CACNA2D3: variants seen among roughly 807,000 people sequenced by gnomAD.
CACNA2D3 encodes calcium voltage-gated channel auxiliary subunit alpha2delta 3, also known as voltage-dependent calcium channel subunit alpha-2/delta-3.
CACNA2D3 carries 60 observed loss-of-function variants against 160.6 expected under a neutral mutation model. The ratio of observed to expected loss-of-function variants is 0.37; its 90% CI spans 0.30 to 0.46. The LOEUF (loss-of-function observed/expected upper bound fraction) is 0.46, where lower values mean the gene tolerates loss of function less well. Among genes scored for constraint, CACNA2D3 ranks in the 20% least tolerant of loss-of-function variants. The pLI, the probability that CACNA2D3 is intolerant of heterozygous loss-of-function variation, is 1.00. For missense variants in CACNA2D3, 1,205 were observed against 1,365.0 expected (o/e 0.88, Z 1.85); for synonymous variants, 558 against 492.9 (o/e 1.13, Z -1.75).
intron 17 of CACNA2D3, among the ~76,000 whole-genome samples, chr3:54,855,048 A>G (rs1157386561): frequency 6.6e-6 from 1 of 152,178 alleles, no homozygotes; most frequent in Non-Finnish European, 1.5e-5. Context: ...TTATTTGACA[A>G]AATGCCAGGT....
chr3:54,969,711 T>A, intron 28 of CACNA2D3, 89 bp from the exon 29 acceptor site: 1 of 1,047,894 alleles, frequency 9.5e-7, no homozygotes, highest in East Asian at 2.5e-5. Context: ...GGATAGCTTG[T>A]CCTTAAGTAG....
chr3:54,852,762 C>G (rs1468638284), intron 17 of CACNA2D3, among the ~76,000 whole-genome samples: 1 of 152,166 alleles, frequency 6.6e-6, no homozygotes, highest in Non-Finnish European at 1.5e-5. Flanking sequence ...TTGTATGGAA[C>G]TAAGTGGACA....
chr3:55,027,604 A>T (rs773411259), intron 35 of CACNA2D3, among the ~76,000 whole-genome samples: 1 of 152,196 alleles, frequency 6.6e-6, no homozygotes, highest in African/African-American at 2.4e-5. Context: ...TAGTTCTCTA[A>T]GACAATTACT....
chr3:54,186,571 C>T (rs1348997367), intron 2 of CACNA2D3, among the ~76,000 whole-genome samples: 1 of 152,048 alleles, frequency 6.6e-6, no homozygotes, highest in African/African-American at 2.4e-5. Flanking sequence ...ACCTTTTTCT[C>T]TTTTCACCCA....
At chr3:54,915,504 A>G (rs1377220665) in intron 27 of CACNA2D3, among the ~76,000 whole-genome samples, 4 of 152,232 alleles carry the variant, frequency 2.6e-5, no homozygotes, top group Non-Finnish European at 5.9e-5. Flanking sequence ...AAGGGAATCT[A>G]TGAATATGAC....
intron 13 of CACNA2D3, among the ~76,000 whole-genome samples, chr3:54,773,708 A>G (rs1702363111): frequency 6.6e-6 from 1 of 152,218 alleles, no homozygotes; most frequent in Admixed American, 6.5e-5. Context: ...TGTTAAAAAT[A>G]TGAGTGTATT....
At chr3:54,758,189 A>G (rs971387160) in intron 12 of CACNA2D3, among the ~76,000 whole-genome samples, 2 of 152,196 alleles carry the variant, frequency 1.3e-5, no homozygotes, top group Non-Finnish European at 2.9e-5. Flanking sequence ...AACCACAGCA[A>G]GGTGTGATGG....
At chr3:54,515,174 C>CTGTGTGTGTG (rs34453702) in intron 5 of CACNA2D3, among the ~76,000 whole-genome samples, 1 of 134,328 alleles carries the variant, frequency 7.4e-6, no homozygotes, top group East Asian at 2.2e-4. Context: ...GTGTGTGTGT[C>CTGTGTGTGTG]TGTGTGTGTG....
At chr3:54,955,931 A>G (rs72877964) in intron 27 of CACNA2D3, among the ~76,000 whole-genome samples, 2,667 of 152,300 alleles carry the variant, frequency 0.018, 77 homozygotes, top group African/African-American at 0.061. Flanking sequence ...TGCCTGATGA[A>G]GAGAAAAAAT....
At chr3:55,032,246 G>C (rs1703702744) in intron 35 of CACNA2D3, among the ~76,000 whole-genome samples, 1 of 152,154 alleles carries the variant, frequency 6.6e-6, no homozygotes, top group South Asian at 2.1e-4. Context: ...GAGAATTCCT[G>C]TTGGCATCCA....
At chr3:54,165,698 C>G (rs141482994) in intron 2 of CACNA2D3, among the ~76,000 whole-genome samples, 1 of 151,158 alleles carries the variant, frequency 6.6e-6, no homozygotes, top group Non-Finnish European at 1.5e-5. Context: ...TTGCTTGAGC[C>G]GAGGTGGGAG....
At position 55,009,429 on chromosome 3, in the gene CACNA2D3, A is replaced by C; in HGVS notation, c.2861A>C (p.Asp954Ala). 6.2e-7 allele frequency: 1 copy of C among 1,613,908 alleles called. No individual in the cohort carries two copies. The highest frequency in any genetic ancestry group is 1.1e-5 in the South Asian group (1 of 91,082). The change falls in exon 34 of 38, where the codon GAT (aspartate) becomes GCT (alanine). Residue 954 changes from aspartate (D) to alanine (A), a missense_variant. By Grantham distance (126) the Asp-to-Ala change is moderately radical (BLOSUM62 -2). Around this residue, in one of 3 missense-constraint regions of CACNA2D3, gnomAD observed 911 missense variants for 1,002.2 expected, o/e 0.91. Coordinates refer to ENST00000474759, the MANE Select transcript of CACNA2D3 (RefSeq NM_018398.3). ...AACCTCTGCAGTTGGTGGCACTCCG[A>C]TATGACAGCTAAAGGTGAGCAGCAA... is the stretch of plus-strand genomic sequence containing the variant. ...EFNLCSWWHS[D>A]MTAKAQKLKQ...
chr3:55,013,831 A>G (rs1387411047), intron 34 of CACNA2D3, among the ~76,000 whole-genome samples: 2 of 152,200 alleles, frequency 1.3e-5, no homozygotes, highest in Admixed American at 6.5e-5. Flanking sequence ...TGGCAAATCT[A>G]TTCAATCCCA....
intron 12 of CACNA2D3, among the ~76,000 whole-genome samples, chr3:54,753,237 A>G (rs935855049): frequency 6.6e-6 from 1 of 152,148 alleles, no homozygotes; most frequent in Non-Finnish European, 1.5e-5. Flanking sequence ...TAGCCTTGGG[A>G]GAATTGCTAT....
chr3:54,884,243 T>C (rs979743197), intron 21 of CACNA2D3, among the ~76,000 whole-genome samples: 1 of 152,260 alleles, frequency 6.6e-6, no homozygotes, highest in African/African-American at 2.4e-5. Context: ...GCAGTATTAC[T>C]TGTATCTCAT....
chr3:54,344,815 C>T (rs564629729), intron 3 of CACNA2D3, among the ~76,000 whole-genome samples: 22 of 152,226 alleles, frequency 1.4e-4, no homozygotes, highest in East Asian at 3.9e-4. Flanking sequence ...CATTCCTAGA[C>T]GGCTAAGGCA....
At chr3:54,674,497 G>T (rs544079640) in intron 11 of CACNA2D3, among the ~76,000 whole-genome samples, 42 of 152,314 alleles carry the variant, frequency 2.8e-4, no homozygotes, top group African/African-American at 1.0e-3. Flanking sequence ...AGCCCCTGGA[G>T]ATTTTTAATT....
chr3:54,738,328 G>T (rs757829786), intron 11 of CACNA2D3, among the ~76,000 whole-genome samples: 4 of 152,120 alleles, frequency 2.6e-5, no homozygotes, highest in Non-Finnish European at 5.9e-5. Flanking sequence ...AAAAGCTCTA[G>T]TCTCCCAAAA....
At chr3:54,731,260 A>G (rs187394154) in intron 11 of CACNA2D3, among the ~76,000 whole-genome samples, 142 of 152,342 alleles carry the variant, frequency 9.3e-4, no homozygotes, top group African/African-American at 3.1e-3. Flanking sequence ...ATGCAAAGTC[A>G]TACTGCCTTC....
Sources: gnomAD v4.1 joint callset for allele counts (sites outside exome capture counted in the v4.1 genomes callset) on GRCh38, gnomAD v4.1.1 for gene constraint, gnomAD v4.1.1 regional missense constraint, MANE v1.5 for transcripts, NCBI Gene and HGNC (gene_info 2026-07-23, HGNC 2026-07-21) for gene names.